GALNT11: variants seen among roughly 807,000 people sequenced by gnomAD.
The protein encoded by GALNT11 is polypeptide N-acetylgalactosaminyltransferase 11.
A neutral mutation model predicts 72.7 loss-of-function variants in GALNT11; 47 were observed. That is an observed-to-expected ratio of 0.65 (90% confidence interval 0.51 to 0.82). The LOEUF is 0.82. Ranked by LOEUF, GALNT11 falls within the 40% of genes least tolerant of loss-of-function variation. GALNT11 has a pLI of 0.00. For synonymous variants in GALNT11, 270 were observed against 286.6 expected, an observed-to-expected ratio of 0.94 and a Z score of 0.58; for missense variants, 677 against 778.4, an observed-to-expected ratio of 0.87 and a Z score of 1.55.
chr7:152,102,772 A>T (rs1311905907), intron 3 of GALNT11, among the ~76,000 whole-genome samples: 1 of 152,192 alleles, frequency 6.6e-6, no homozygotes, highest in Non-Finnish European at 1.5e-5. Flanking sequence ...ACCTGAGGTC[A>T]GGAGTTCGAG....
At chr7:152,099,657 G>A (rs2086677713) in intron 2 of GALNT11, among the ~76,000 whole-genome samples, 3 of 149,948 alleles carry the variant, frequency 2.0e-5, no homozygotes, top group Admixed American at 6.7e-5. Context: ...CATAGTGCTG[G>A]GATTACAGGC....
chr7:152,105,146 G>A, intron 4 of GALNT11, 99 bp from the exon 5 acceptor site: 1 of 1,289,866 alleles, frequency 7.8e-7, no homozygotes, highest in Non-Finnish European at 1.1e-6. Context: ...ATAGTTTGTT[G>A]TAAATTTTAG....
chr7:152,045,916 G>A (rs951936545), intron 1 of GALNT11, among the ~76,000 whole-genome samples: 1 of 151,860 alleles, frequency 6.6e-6, no homozygotes, highest in African/African-American at 2.4e-5. Context: ...CTTTTTTGAT[G>A]TAGGTGCTTA....
chr7:152,046,210 A>G (rs2083113327), intron 1 of GALNT11, among the ~76,000 whole-genome samples: 1 of 152,116 alleles, frequency 6.6e-6, no homozygotes, highest in Non-Finnish European at 1.5e-5. Context: ...GACCTCAAGG[A>G]TAGACCTAAC....
chr7:152,074,182 T>C (rs771371898), intron 1 of GALNT11: 2 of 152,244 alleles, frequency 1.3e-5, no homozygotes, highest in African/African-American at 4.8e-5. Context: ...TTTTGTTGCC[T>C]GGGCTTTTGA....
chr7:152,101,647 G>GC (rs999792856), intron 3 of GALNT11, among the ~76,000 whole-genome samples: 5 of 146,498 alleles, frequency 3.4e-5, no homozygotes, highest in Admixed American at 2.7e-4. Flanking sequence ...TTTTTTGGGG[G>GC]GGGGGGGATG....
chr7:152,059,344 C>T (rs929191202), intron 1 of GALNT11, among the ~76,000 whole-genome samples: 1 of 152,004 alleles, frequency 6.6e-6, no homozygotes, highest in African/African-American at 2.4e-5. Context: ...TCAAGTAACC[C>T]TCCCACCTCC....
intron 1 of GALNT11, among the ~76,000 whole-genome samples, chr7:152,060,302 G>T (rs1040737755): frequency 1.1e-4 from 16 of 152,234 alleles, no homozygotes; most frequent in African/African-American, 3.4e-4. Flanking sequence ...CTCCATATCC[G>T]CATTGATGCT....
At position 152,062,527 on chromosome 7, in the gene GALNT11, C is replaced by T. The variant is rs532333012; in HGVS notation, c.-38-31663C>T. On this transcript the variant is annotated intron_variant, in intron 1 of 11. Transcript: ENST00000430044. ...GTTGAATAGGAGTGGTGAGAGAGGG[C>T]ATCCCTGTCTTGTGCCAGTTTTCAA... is the stretch of plus-strand genomic sequence containing the variant. 3.3e-3 allele frequency among the ~76,000 whole-genome samples: 502 copies of T among 152,292 alleles called. 3 individuals are homozygous for T. The highest frequency in any genetic ancestry group is 0.011 in the African/African-American group (476 of 41,548).
chr7:152,118,670 T>C lies in GALNT11; in HGVS notation c.1453-8T>C. 1 of 1,606,840 alleles carries C rather than the reference T, an allele frequency of 6.2e-7. No homozygotes were observed. Among genetic ancestry groups the C allele is most frequent in the Non-Finnish European group, 8.5e-7 (1 of 1,176,910 alleles). Reference sequence around the variant, plus strand: ...TTCCCACATTCTGAGCTGTGCCTTCTCTTACAGCTCTATCACCTCCAGACC... The same window carrying C: ...TTCCCACATTCTGAGCTGTGCCTTCCCTTACAGCTCTATCACCTCCAGACC... On this transcript the variant is annotated splice_region_variant and splice_polypyrimidine_tract_variant and intron_variant, in intron 9 of 11. Transcript: ENST00000430044.
At chr7:152,071,908 C>T (rs926936610) in intron 1 of GALNT11, among the ~76,000 whole-genome samples, 2 of 150,542 alleles carry the variant, frequency 1.3e-5, no homozygotes, top group Non-Finnish European at 2.9e-5. Flanking sequence ...TTTTAGGAGG[C>T]TGAGGCAGGA....
intron 5 of GALNT11, 36 bp downstream of exon 5, chr7:152,105,406 G>C: frequency 6.3e-7 from 1 of 1,595,682 alleles, no homozygotes; most frequent in Non-Finnish European, 8.5e-7. Context: ...TACAGGTGTT[G>C]GATGACAAGG....
chr7:152,078,400 C>T (rs979246990), intron 1 of GALNT11, among the ~76,000 whole-genome samples: 1 of 152,112 alleles, frequency 6.6e-6, no homozygotes, highest in Non-Finnish European at 1.5e-5. Flanking sequence ...AGGGTTTCTC[C>T]ATGTTGGTCA....
chr7:152,063,476 G>T (rs1245890044), intron 1 of GALNT11, among the ~76,000 whole-genome samples: 1 of 152,094 alleles, frequency 6.6e-6, no homozygotes, highest in Non-Finnish European at 1.5e-5. Flanking sequence ...GTTCTGCTCT[G>T]ATCTTGGTTA....
At chr7:152,052,913 C>A (rs141378064) in intron 1 of GALNT11, among the ~76,000 whole-genome samples, 46 of 152,312 alleles carry the variant, frequency 3.0e-4, no homozygotes, top group Middle Eastern at 3.4e-3. Flanking sequence ...CCCATTCTCT[C>A]CGTGGTCCCT....
chr7:152,099,213 A>G (rs1000250943), intron 2 of GALNT11, among the ~76,000 whole-genome samples: 10 of 152,108 alleles, frequency 6.6e-5, no homozygotes, highest in Non-Finnish European at 1.3e-4. Context: ...AAGTGCTGGG[A>G]TTACAGGCAT....
At chr7:152,102,456 C>T (rs1375243049) in intron 3 of GALNT11, among the ~76,000 whole-genome samples, 2 of 151,958 alleles carry the variant, frequency 1.3e-5, no homozygotes, top group African/African-American at 2.4e-5. Flanking sequence ...GCAGGAGAAT[C>T]GCTTGAACCA....
At chr7:152,073,712 T>C (rs1009461681) in intron 1 of GALNT11, among the ~76,000 whole-genome samples, 1 of 152,188 alleles carries the variant, frequency 6.6e-6, no homozygotes, top group Non-Finnish European at 1.5e-5. Context: ...TTGAGGAGCC[T>C]CTATACTGTT....
At chr7:152,087,465 G>A (rs1186768849) in intron 1 of GALNT11, among the ~76,000 whole-genome samples, 1 of 152,236 alleles carries the variant, frequency 6.6e-6, no homozygotes, top group Non-Finnish European at 1.5e-5. Context: ...TGAATGCAGA[G>A]AGAAGGTGGT....
Sources: gnomAD v4.1 joint callset for allele counts (sites outside exome capture counted in the v4.1 genomes callset) on GRCh38, gnomAD v4.1.1 for gene constraint, MANE v1.5 for transcripts, NCBI Gene and HGNC (gene_info 2026-07-23, HGNC 2026-07-21) for gene names.